ENKUR: variants seen among roughly 807,000 people sequenced by gnomAD.
ENKUR encodes the protein enkurin.
A neutral mutation model predicts 27.6 loss-of-function variants in ENKUR; 19 were observed. The ratio of observed to expected loss-of-function variants is 0.69; its 90% CI spans 0.48 to 1.01. The LOEUF (loss-of-function observed/expected upper bound fraction) is 1.01. ENKUR is among the 50% of genes least tolerant of loss of function. The pLI, the probability that ENKUR is intolerant of heterozygous loss-of-function variation, is 0.00. For missense variants in ENKUR, 312 were observed against 310.5 expected (o/e 1.00, Z -0.04); for synonymous variants, 117 against 96.9 (o/e 1.21, Z -1.22).
At chr10:25,059,694 G>A (rs1449498706) in intron 2 of ENKUR, among the ~76,000 whole-genome samples, 4 of 152,108 alleles carry the variant, frequency 2.6e-5, no homozygotes, top group Non-Finnish European at 5.9e-5. Context: ...GGTGGCTCAC[G>A]CCTGTAAGCC....
chr10:25,001,545 C>T (rs1267012628), intron 1 of ENKUR, among the ~76,000 whole-genome samples: 4 of 152,008 alleles, frequency 2.6e-5, no homozygotes, highest in Non-Finnish European at 4.4e-5. Context: ...TGATTCTCTG[C>T]TTTCTTTTTC....
At chr10:24,986,735 T>G (rs144199713) in intron 4 of ENKUR, among the ~76,000 whole-genome samples, 4 of 152,308 alleles carry the variant, frequency 2.6e-5, no homozygotes, top group African/African-American at 9.6e-5. Flanking sequence ...TGGATCAAAG[T>G]CAACAGCCAG....
intron 1 of ENKUR, among the ~76,000 whole-genome samples, chr10:25,013,999 C>T (rs1239532200): frequency 6.6e-6 from 1 of 151,658 alleles, no homozygotes; most frequent in African/African-American, 2.4e-5. Flanking sequence ...TCTTGGAAAC[C>T]ATCTTATGCA....
At chr10:25,024,450 G>A in intron 2 of ENKUR, 2 of 1,614,134 alleles carry the variant, frequency 1.2e-6, no homozygotes, top group Non-Finnish European at 1.7e-6. Flanking sequence ...TTTTTCCTGA[G>A]AATGGAGTAA....
chr10:25,018,180 G>T (rs753528313), upstream of ENKUR, among the ~76,000 whole-genome samples: 7 of 152,210 alleles, frequency 4.6e-5, no homozygotes, highest in Non-Finnish European at 8.8e-5. Flanking sequence ...TTACAGCCAT[G>T]AGCAGGTTGT....
At position 25,038,691 on chromosome 10, in the gene ENKUR, G is replaced by A. The variant is rs377137748; in HGVS notation, c.37+22421C>T. The stretch of plus-strand genomic sequence containing the variant: ...TTCCTTTTCTGGCAATGATTTTAAT[G>A]TAACCAGGAAGAATCCCTACAACCC... On this transcript the variant is annotated intron_variant, in intron 2 of 5. Coordinates refer to the ENKUR transcript ENST00000615958. Among the ~76,000 whole-genome samples, 4 of 152,292 alleles carry A rather than the reference G, an allele frequency of 2.6e-5. No homozygotes were observed. The East Asian group carries it at 7.7e-4, about 29-fold the overall frequency.
intron 2 of ENKUR, among the ~76,000 whole-genome samples, chr10:25,039,009 A>T (rs1359465472): frequency 6.6e-6 from 1 of 152,152 alleles, no homozygotes; most frequent in Non-Finnish European, 1.5e-5. Context: ...TGAACTCAAA[A>T]TTTTTACTGC....
intron 1 of ENKUR, among the ~76,000 whole-genome samples, chr10:25,009,215 C>A (rs1303719625): frequency 6.6e-6 from 1 of 152,006 alleles, no homozygotes; most frequent in Non-Finnish European, 1.5e-5. Flanking sequence ...TGTAACAAAC[C>A]TGCACATTGT....
intron 2 of ENKUR, chr10:25,024,981 A>G (rs764874288): frequency 6.2e-6 from 10 of 1,614,226 alleles, no homozygotes; most frequent in African/African-American, 1.3e-5. Flanking sequence ...ATGGACAGCT[A>G]ATGACAGAAT....
intron 2 of ENKUR, among the ~76,000 whole-genome samples, chr10:25,052,605 G>A (rs1338700513): frequency 6.6e-6 from 1 of 151,894 alleles, no homozygotes; most frequent in South Asian, 2.1e-4. Flanking sequence ...CATCTCTACA[G>A]ATTTTTTTAA....
intron 2 of ENKUR, among the ~76,000 whole-genome samples, chr10:25,035,785 A>G (rs1044268432): frequency 2.6e-5 from 4 of 152,192 alleles, no homozygotes; most frequent in African/African-American, 9.7e-5. Flanking sequence ...CTGCCTCACA[A>G]TAAAGAATGC....
chr10:25,038,291 CTT>C (rs2130466814), intron 2 of ENKUR, among the ~76,000 whole-genome samples: 1 of 152,302 alleles, frequency 6.6e-6, no homozygotes, highest in South Asian at 2.1e-4. Context: ...GAAATTTACA[CTT>C]TAAGTAGACA....
intron 1 of ENKUR, among the ~76,000 whole-genome samples, chr10:25,007,736 G>A (rs1263930970): frequency 6.6e-6 from 1 of 151,908 alleles, no homozygotes; most frequent in Non-Finnish European, 1.5e-5. Flanking sequence ...GCCCAGCCAC[G>A]TATAGATTTC....
chr10:25,030,443 T>A (rs1199511018), intron 2 of ENKUR, among the ~76,000 whole-genome samples: 2 of 152,216 alleles, frequency 1.3e-5, no homozygotes, highest in East Asian at 3.8e-4. Flanking sequence ...TTGAAGGTAT[T>A]GCTCCACCAC....
At position 25,059,136 on chromosome 10, in the gene ENKUR, T is replaced by C. The variant is rs552550028; in HGVS notation, c.37+1976A>G. ...GCCCTAATATTCTTTTTCTTTCTTT[T>C]TTTTTTTTTTTTTTGAGAAGGAGTC... is the stretch of plus-strand genomic sequence containing the variant. On this transcript the variant is annotated intron_variant, in intron 2 of 5. Transcript: ENST00000615958. Among the ~76,000 whole-genome samples, 490 of 147,420 alleles carry C rather than the reference T, an allele frequency of 3.3e-3. 2 individuals are homozygous for C. Among genetic ancestry groups the C allele is most frequent in the Non-Finnish European group, 4.8e-3 (319 of 66,502 alleles).
chr10:25,023,473 A>G, intron 2 of ENKUR: 1 of 1,614,160 alleles, frequency 6.2e-7, no homozygotes, highest in Non-Finnish European at 8.5e-7. Context: ...TTGTTGTGTC[A>G]TAGATGTGGA....
intron 3 of ENKUR, among the ~76,000 whole-genome samples, chr10:24,991,816 C>A (rs1423941902): frequency 6.6e-6 from 1 of 152,216 alleles, no homozygotes; most frequent in Non-Finnish European, 1.5e-5. Context: ...TGAGCAAACA[C>A]AAGCCACCTA....
chr10:25,060,041 T>C (rs10828751), intron 2 of ENKUR, among the ~76,000 whole-genome samples: 2 of 151,840 alleles, frequency 1.3e-5, no homozygotes, highest in African/African-American at 4.8e-5. Context: ...AGGTGAGTGG[T>C]TGTCTAATAT....
chr10:24,991,463 A>G (rs1011901435), intron 3 of ENKUR, among the ~76,000 whole-genome samples: 6 of 151,546 alleles, frequency 4.0e-5, no homozygotes, highest in African/African-American at 9.7e-5. Flanking sequence ...GAACACATCA[A>G]TGGAAGAACG....
Sources: gnomAD v4.1 joint callset for allele counts (sites outside exome capture counted in the v4.1 genomes callset) on GRCh38, gnomAD v4.1.1 for gene constraint, MANE v1.5 for transcripts, NCBI Gene and HGNC (gene_info 2026-07-23, HGNC 2026-07-21) for gene names.